SDAD1: variants seen among roughly 807,000 people sequenced by gnomAD.
SDAD1 encodes the protein protein SDA1 homolog.
Under a neutral mutation model 100.3 loss-of-function variants are expected in SDAD1, and 79 were observed. The ratio of observed to expected loss-of-function variants is 0.79; its 90% CI spans 0.66 to 0.95. The LOEUF is 0.95. Ranked by LOEUF, SDAD1 falls within the 40% of genes least tolerant of loss-of-function variation. The pLI, the probability that SDAD1 is intolerant of heterozygous loss-of-function variation, is 0.00. For missense variants in SDAD1, 790 were observed against 810.9 expected (o/e 0.97, Z 0.31); for synonymous variants, 267 against 271.4 (o/e 0.98, Z 0.16).
intron 15 of SDAD1, 45 bp from the exon 16 acceptor site, chr4:75,961,149 C>A: frequency 6.2e-7 from 1 of 1,607,610 alleles, no homozygotes; most frequent in Middle Eastern, 1.7e-4. Flanking sequence ...CCATAGAGTA[C>A]AATGAGGTAA....
chr4:75,990,284 C>A lies in SDAD1; in HGVS notation c.90+468G>T, dbSNP rs1000504681. Among the ~76,000 whole-genome samples the A allele has an allele frequency of 2.3e-3, 348 of 149,412 alleles. 2 individuals are homozygous for A. The highest frequency in any genetic ancestry group is 7.7e-3 in the African/African-American group (309 of 40,380). ...CGTTGTGCTTGAGAAACCCCCCCCC[C>A]CCCTTTCCTGGCACAGTCCAGGGTA... On this transcript the variant is annotated intron_variant, in intron 1 of 21. Coordinates refer to ENST00000356260, the MANE Select transcript of SDAD1 (RefSeq NM_018115.4).
At chr4:75,966,264 G>GTATA (rs1195380336) in intron 12 of SDAD1, among the ~76,000 whole-genome samples, 30 of 107,884 alleles carry the variant, frequency 2.8e-4, no homozygotes, top group African/African-American at 9.4e-4. Flanking sequence ...CTGAATGAAT[G>GTATA]CATACACACA....
At position 75,975,954 on chromosome 4, in the gene SDAD1, A is replaced by G; in HGVS notation, c.447T>C (p.Asn149=). The change falls in exon 5 of 22, where the codon AAT becomes AAC. Residue 149 remains asparagine (N), a synonymous_variant. Transcript: ENST00000356260. ...THIVTDIKNI[N]AKHKNNKVNV... The stretch of plus-strand genomic sequence containing the variant: ...TCACTTTATTGTTCTTGTGTTTTGC[A>G]TTTATATTCTTGATATCAGTCACAA... 6.2e-7 allele frequency: 1 copy of G among 1,605,550 alleles called. No homozygotes were observed. Among genetic ancestry groups the G allele is most frequent in the Non-Finnish European group, 8.5e-7 (1 of 1,172,280 alleles).
intron 14 of SDAD1, 73 bp downstream of exon 14, chr4:75,964,062 A>T (rs1729398355): frequency 2.1e-6 from 2 of 970,792 alleles, no homozygotes; most frequent in South Asian, 2.7e-5. Flanking sequence ...CTACAATCTT[A>T]CATCTTGGTA....
At chr4:75,967,727 G>A (rs1729627580) in intron 11 of SDAD1, among the ~76,000 whole-genome samples, 1 of 152,152 alleles carries the variant, frequency 6.6e-6, no homozygotes, top group Non-Finnish European at 1.5e-5. Flanking sequence ...GACAAGATCG[G>A]AATTCAAATC....
intron 20 of SDAD1, 113 bp downstream of exon 20, chr4:75,957,212 C>A: frequency 1.3e-6 from 1 of 784,338 alleles, no homozygotes; most frequent in South Asian, 1.8e-5. Context: ...GTTAATTATA[C>A]CTTTATTTAA....
chr4:75,965,602 C>T (rs1729493592), intron 13 of SDAD1, among the ~76,000 whole-genome samples, 162 bp downstream of exon 13: 1 of 152,082 alleles, frequency 6.6e-6, no homozygotes, highest in Admixed American at 6.6e-5. Flanking sequence ...AAATTTCTCT[C>T]TTTTGTACTC....
intron 1 of SDAD1, among the ~76,000 whole-genome samples, chr4:75,989,478 T>G (rs61487959): frequency 0.23 from 35,692 of 152,122 alleles, 4,852 homozygotes; most frequent in East Asian, 0.5. Context: ...AACGCCTACC[T>G]AGAATAACAA....
Position 75,981,625 on chromosome 4 carries a change from T to G in SDAD1, c.196-155A>C, listed in dbSNP as rs867603931. 35 of 1,234,082 alleles carry G rather than the reference T, an allele frequency of 2.8e-5. No homozygotes were observed. In the Middle Eastern group the frequency reaches 1.3e-3, roughly 46 times the overall value. The allele number at this position is 1,234,082 out of a possible 1,614,324, so 76.4% of individuals were successfully genotyped here. On this transcript the variant is annotated intron_variant, in intron 2 of 21. Transcript: ENST00000356260. The stretch of plus-strand genomic sequence containing the variant: ...CCTTCTTTTCCTTCTACATGTTAAT[T>G]TCTCCAACATTTATCATGGTTTCTC...
At chr4:75,964,031 TTA>T in intron 14 of SDAD1, 102 bp downstream of exon 14, 1 of 757,454 alleles carries the variant, frequency 1.3e-6, no homozygotes, top group Admixed American at 2.5e-5. Context: ...TAAACCAATT[TTA>T]TAGAGGTGAT....
intron 14 of SDAD1, among the ~76,000 whole-genome samples, chr4:75,963,181 T>C (rs1398578355): frequency 6.6e-6 from 1 of 152,216 alleles, no homozygotes; most frequent in Non-Finnish European, 1.5e-5. Context: ...TTGTCAGGTT[T>C]GTCAAAGAAC....
intron 11 of SDAD1, 94 bp from the exon 12 acceptor site, chr4:75,967,428 T>A: frequency 8.9e-7 from 1 of 1,124,484 alleles, no homozygotes; most frequent in Non-Finnish European, 1.3e-6. Context: ...CTCAACTAAT[T>A]GCAGAACACT....
At chr4:75,974,519 CA>C (rs1388065711) in intron 6 of SDAD1, among the ~76,000 whole-genome samples, 1 of 151,600 alleles carries the variant, frequency 6.6e-6, no homozygotes, top group Non-Finnish European at 1.5e-5. Context: ...AGTTCCGGTC[CA>C]GCCTGATCAA....
At chr4:75,962,512 T>C (rs924022047) in intron 14 of SDAD1, among the ~76,000 whole-genome samples, 2 of 152,168 alleles carry the variant, frequency 1.3e-5, no homozygotes, top group Admixed American at 6.5e-5. Context: ...TACAGTCCCA[T>C]CAACAGTGTA....
chr4:75,983,379 C>A (rs1730666362), intron 1 of SDAD1, among the ~76,000 whole-genome samples: 1 of 152,184 alleles, frequency 6.6e-6, no homozygotes, highest in African/African-American at 2.4e-5. Flanking sequence ...CTGTCTTCCA[C>A]AATGGTTAAA....
chr4:75,962,760 T>C (rs1193612453), intron 14 of SDAD1, among the ~76,000 whole-genome samples: 7 of 152,212 alleles, frequency 4.6e-5, no homozygotes, highest in Admixed American at 4.6e-4. Flanking sequence ...TCTTGTAAAT[T>C]TGTTTAAGGT....
intron 14 of SDAD1, among the ~76,000 whole-genome samples, chr4:75,963,762 G>C (rs1729383531): frequency 6.6e-6 from 1 of 152,120 alleles, no homozygotes; most frequent in South Asian, 2.1e-4. Context: ...GTGCCAGACA[G>C]ACACCAATGC....
At position 75,956,076 on chromosome 4, in the gene SDAD1, T is replaced by C; in HGVS notation, c.1915A>G (p.Ser639Gly). The C allele has an allele frequency of 6.2e-7, 1 of 1,613,644 alleles. No individual in the cohort carries two copies. The highest frequency in any genetic ancestry group is 8.5e-7 in the Non-Finnish European group (1 of 1,179,886). The change falls in exon 21 of 22, where the codon AGT (serine) becomes GGT (glycine). Residue 639 changes from serine (S) to glycine (G), a missense_variant. Transcript: ENST00000356260. ...TTTTTCTTCTCTTTATTTGTCGAACTGGAAAATGGATTTGTTTTGGTTTTC... is the reference window on the plus strand; with the variant it reads ...TTTTTCTTCTCTTTATTTGTCGAACCGGAAAATGGATTTGTTTTGGTTTTC... The part of the protein sequence containing the change: ...RKKTKTNPFS[S>G]STNKEKKKQK...
chr4:75,959,518 C>T (rs979778497), intron 17 of SDAD1, among the ~76,000 whole-genome samples: 3 of 151,790 alleles, frequency 2.0e-5, no homozygotes, highest in Non-Finnish European at 2.9e-5. Flanking sequence ...GCAGGAGGAT[C>T]GCTTGAACCT....
Sources: allele counts gnomAD v4.1 joint callset (sites outside exome capture counted in the v4.1 genomes callset), GRCh38; gene constraint gnomAD v4.1.1; transcripts MANE v1.5; gene names NCBI Gene and HGNC (gene_info 2026-07-23, HGNC 2026-07-21).